PTPRR: variants seen among roughly 807,000 people sequenced by gnomAD.
The protein encoded by PTPRR is protein tyrosine phosphatase receptor type R.
In PTPRR, 38 loss-of-function variants were observed where a neutral mutation model predicts 77.2. The observed-to-expected ratio is 0.49, with a 90% CI of 0.38 to 0.65. The LOEUF is 0.65. Ranked by LOEUF, PTPRR falls within the 30% of genes least tolerant of loss-of-function variation. The probability of loss-of-function intolerance (pLI) is 0.00; values close to 1 mark genes in which losing one functional copy is unlikely to be tolerated. For synonymous variants in PTPRR, 299 were observed against 283.1 expected, an observed-to-expected ratio of 1.06 and a Z score of -0.57; for missense variants, 744 against 799.2, an observed-to-expected ratio of 0.93 and a Z score of 0.83.
chr12:70,824,689 T>G (rs1892079000), intron 2 of PTPRR, among the ~76,000 whole-genome samples: 1 of 152,166 alleles, frequency 6.6e-6, no homozygotes, highest in Non-Finnish European at 1.5e-5. Flanking sequence ...GTTGCTTTCC[T>G]TATCCTTCCA....
intron 2 of PTPRR, among the ~76,000 whole-genome samples, chr12:70,782,983 C>T (rs1465883924): frequency 2.6e-5 from 4 of 152,104 alleles, no homozygotes; most frequent in Non-Finnish European, 5.9e-5. Flanking sequence ...GTTTCTTCAC[C>T]TGGCACATGG....
At chr12:70,722,120 C>T (rs1889279957) in intron 6 of PTPRR, among the ~76,000 whole-genome samples, 1 of 152,170 alleles carries the variant, frequency 6.6e-6, no homozygotes. Context: ...TCCTTTCCCA[C>T]CCACTCCTTT....
chr12:70,840,766 C>A (rs1192033433), intron 2 of PTPRR, among the ~76,000 whole-genome samples: 1 of 152,050 alleles, frequency 6.6e-6, no homozygotes, highest in African/African-American at 2.4e-5. Context: ...TAGGAGTTAT[C>A]TTTGTGTCTC....
intron 10 of PTPRR, among the ~76,000 whole-genome samples, chr12:70,682,287 C>A (rs1239596566): frequency 6.6e-6 from 1 of 151,826 alleles, no homozygotes; most frequent in East Asian, 1.9e-4. Flanking sequence ...TCGTGATCCG[C>A]CCGCCTCGGC....
chr12:70,749,169 C>T (rs1890309991), intron 5 of PTPRR, among the ~76,000 whole-genome samples: 1 of 152,022 alleles, frequency 6.6e-6, no homozygotes, highest in Non-Finnish European at 1.5e-5. Context: ...ACAACAACAA[C>T]AACAAACAAC....
At chr12:70,799,744 T>A (rs1891579009) in intron 2 of PTPRR, among the ~76,000 whole-genome samples, 1 of 152,000 alleles carries the variant, frequency 6.6e-6, no homozygotes, top group African/African-American at 2.4e-5. Context: ...AAGAGATGAG[T>A]TTTTATAAAA....
At chr12:70,808,062 T>G (rs1414598715) in intron 2 of PTPRR, among the ~76,000 whole-genome samples, 1 of 152,126 alleles carries the variant, frequency 6.6e-6, no homozygotes, top group African/African-American at 2.4e-5. Context: ...TTAGCAGCCC[T>G]GGGAAAAGAA....
chr12:70,786,417 T>TA (rs879928578), intron 2 of PTPRR, among the ~76,000 whole-genome samples: 11 of 152,260 alleles, frequency 7.2e-5, no homozygotes, highest in East Asian at 1.9e-4. Flanking sequence ...TACTCTTTTT[T>TA]AAAAAAATTA....
At position 70,712,214 on chromosome 12, in the gene PTPRR, T is replaced by C. The variant is rs77839148; in HGVS notation, c.1008-10891A>G. ...CAGGTGGAAGGAAGGAAGGCGCCAA[T>C]TACCTGGAAGGGCTGTGTTAGAATT... On this transcript the variant is annotated intron_variant, in intron 6 of 13. Coordinates refer to ENST00000283228, the MANE Select transcript of PTPRR (RefSeq NM_002849.4). 8.5e-3 allele frequency among the ~76,000 whole-genome samples: 1,298 copies of C among 151,888 alleles called. 17 individuals carry two copies. The highest frequency in any genetic ancestry group is 0.012 in the Non-Finnish European group (835 of 67,936).
At chr12:70,649,615 G>A (rs117778736) in intron 13 of PTPRR, among the ~76,000 whole-genome samples, 3,168 of 151,756 alleles carry the variant, frequency 0.021, 204 homozygotes, top group Admixed American at 0.11. Flanking sequence ...TCACTCTCTC[G>A]CCCAGCCTGG....
At chr12:70,883,221 A>G (rs1414115498) in intron 2 of PTPRR, among the ~76,000 whole-genome samples, 1 of 152,186 alleles carries the variant, frequency 6.6e-6, no homozygotes, top group East Asian at 1.9e-4. Flanking sequence ...AGATCTCACC[A>G]TTGCACTCCA....
At chr12:70,761,177 A>C (rs1300300403) in intron 4 of PTPRR, among the ~76,000 whole-genome samples, 1 of 152,236 alleles carries the variant, frequency 6.6e-6, no homozygotes, top group Non-Finnish European at 1.5e-5. Context: ...GACAAAATAC[A>C]TCTAAATCTT....
At chr12:70,692,597 T>C (rs113596022) in intron 8 of PTPRR, among the ~76,000 whole-genome samples, 73 of 152,270 alleles carry the variant, frequency 4.8e-4, no homozygotes, top group African/African-American at 1.5e-3. Flanking sequence ...ACGTGTATCA[T>C]ATAATCTAGC....
At chr12:70,712,626 G>T (rs144074306) in intron 6 of PTPRR, among the ~76,000 whole-genome samples, 402 of 151,718 alleles carry the variant, frequency 2.6e-3, no homozygotes, top group African/African-American at 9.1e-3. Flanking sequence ...TAAAAAATAA[G>T]TATTTCTGGA....
At chr12:70,722,335 C>G (rs1182270861) in intron 6 of PTPRR, among the ~76,000 whole-genome samples, 3 of 152,174 alleles carry the variant, frequency 2.0e-5, no homozygotes, top group African/African-American at 7.2e-5. Flanking sequence ...CTTCATCTTC[C>G]TATATAGAGA....
intron 2 of PTPRR, among the ~76,000 whole-genome samples, chr12:70,860,362 T>G (rs139866622): frequency 6.6e-6 from 1 of 152,236 alleles, no homozygotes; most frequent in Non-Finnish European, 1.5e-5. Flanking sequence ...ACAGACCAAG[T>G]CAGTTCAAAT....
chr12:70,639,459 A>G (rs960652078), intron 13 of PTPRR, 182 bp from the exon 14 acceptor site: 6 of 1,387,384 alleles, frequency 4.3e-6, no homozygotes, highest in Non-Finnish European at 5.6e-6. Flanking sequence ...TAACATGGTA[A>G]TGTATATAAA....
At chr12:70,694,482 AC>A (rs776709710) in intron 8 of PTPRR, among the ~76,000 whole-genome samples, 7 of 152,206 alleles carry the variant, frequency 4.6e-5, no homozygotes, top group Non-Finnish European at 1.0e-4. Context: ...ATAAAAAAGA[AC>A]AAAATCATGT....
rs762124214 is a variant in PTPRR at position 70,701,343 on chromosome 12, T to C, written c.1008-20A>G. On this transcript the variant is annotated intron_variant, in intron 6 of 13. Coordinates refer to ENST00000283228, the MANE Select transcript of PTPRR (RefSeq NM_002849.4). Reference sequence around the variant, plus strand: ...CCTCTTCTACATTGGAGAAGAATGTTATGTTTAAACACCACATACTTATTT... The same window carrying C: ...CCTCTTCTACATTGGAGAAGAATGTCATGTTTAAACACCACATACTTATTT... 1 of 1,607,828 alleles carries C rather than the reference T, an allele frequency of 6.2e-7. No homozygotes were observed. Among genetic ancestry groups the C allele is most frequent in the South Asian group, 1.1e-5 (1 of 90,876 alleles).
Sources: allele counts gnomAD v4.1 joint callset (sites outside exome capture counted in the v4.1 genomes callset), GRCh38; gene constraint gnomAD v4.1.1; transcripts MANE v1.5; gene names NCBI Gene and HGNC (gene_info 2026-07-23, HGNC 2026-07-21).